RBFOX1: variants seen among roughly 807,000 people sequenced by gnomAD.
RBFOX1 encodes the protein RNA binding protein fox-1 homolog 1.
A neutral mutation model predicts 57.7 loss-of-function variants in RBFOX1; 8 were observed. The ratio of observed to expected loss-of-function variants is 0.14; its 90% CI spans 0.08 to 0.25. RBFOX1 has a LOEUF of 0.25. RBFOX1 is among the 10% of genes least tolerant of loss of function. RBFOX1 has a pLI of 1.00. For missense variants in RBFOX1, 611 were observed against 548.5 expected (o/e 1.11, Z -1.14); for synonymous variants, 326 against 222.4 (o/e 1.47, Z -4.15).
At chr16:6,350,804 A>G (rs1288941587) in intron 2 of RBFOX1, among the ~76,000 whole-genome samples, 2 of 152,216 alleles carry the variant, frequency 1.3e-5, no homozygotes, top group African/African-American at 4.8e-5. Flanking sequence ...AAAGAGTGCA[A>G]GTCATACTCA....
intron 4 of RBFOX1, among the ~76,000 whole-genome samples, chr16:7,355,840 A>G (rs1416984798): frequency 6.6e-6 from 1 of 152,018 alleles, no homozygotes; most frequent in Admixed American, 6.5e-5. Flanking sequence ...TTTCCTTTCA[A>G]CCTTCAGGGT....
chr16:5,756,958 A>T (rs778211339), intron 3 of RBFOX1, among the ~76,000 whole-genome samples: 1 of 152,248 alleles, frequency 6.6e-6, no homozygotes, highest in East Asian at 1.9e-4. Context: ...ATCTTAACAC[A>T]ATAGAAATTT....
At chr16:7,101,534 C>T (rs940362931) in intron 4 of RBFOX1, among the ~76,000 whole-genome samples, 1 of 152,082 alleles carries the variant, frequency 6.6e-6, no homozygotes, top group East Asian at 1.9e-4. Flanking sequence ...CAACCAAAAG[C>T]ATTCACAGAG....
chr16:7,142,135 C>T lies in RBFOX1; in HGVS notation c.27+90037C>T, dbSNP rs115116020. Among the ~76,000 whole-genome samples the T allele has an allele frequency of 4.6e-3, 697 of 152,134 alleles. 8 individuals carry two copies. The highest frequency in any genetic ancestry group is 0.016 in the African/African-American group (673 of 41,522). ...ACCTCCCAGGCTAAAGGGAGCCTCA[C>T]ACCTCAGCCTCCCAAGTAGCTGGGA... On this transcript the variant is annotated intron_variant, in intron 4 of 15. Transcript: ENST00000550418.
At chr16:7,339,732 G>A (rs1196043556) in intron 4 of RBFOX1, among the ~76,000 whole-genome samples, 1 of 152,194 alleles carries the variant, frequency 6.6e-6, no homozygotes, top group Non-Finnish European at 1.5e-5. Flanking sequence ...AAGCCACTGT[G>A]CCTGGCCAGA....
At chr16:6,024,158 C>G (rs1050524053) in intron 1 of RBFOX1, among the ~76,000 whole-genome samples, 2 of 152,164 alleles carry the variant, frequency 1.3e-5, no homozygotes, top group African/African-American at 4.8e-5. Context: ...TGGCCTGCTG[C>G]TACAGAAGAG....
At chr16:6,712,376 G>T (rs1450323349) in intron 3 of RBFOX1, among the ~76,000 whole-genome samples, 1 of 152,064 alleles carries the variant, frequency 6.6e-6, no homozygotes, top group Non-Finnish European at 1.5e-5. Flanking sequence ...TCTGTCCTGG[G>T]CGTGAACTAG....
intron 2 of RBFOX1, among the ~76,000 whole-genome samples, chr16:6,632,950 G>C (rs1483205513): frequency 1.3e-5 from 2 of 152,188 alleles, no homozygotes; most frequent in Admixed American, 1.3e-4. Context: ...GCTTCCTGTT[G>C]TTTGGGTTCT....
At chr16:5,984,977 T>TATA (rs1555462740) in intron 4 of RBFOX1, among the ~76,000 whole-genome samples, 69 of 40,522 alleles carry the variant, frequency 1.7e-3, no homozygotes, top group African/African-American at 3.1e-3. Flanking sequence ...TATATATATA[T>TATA]TTTTTTTTTT....
chr16:7,142,448 G>T (rs932441217), intron 4 of RBFOX1, among the ~76,000 whole-genome samples: 5 of 152,110 alleles, frequency 3.3e-5, no homozygotes, highest in Non-Finnish European at 7.4e-5. Context: ...TACCGCAGGC[G>T]ACTCTGGCTT....
chr16:7,083,979 C>G (rs2059596703), intron 4 of RBFOX1, among the ~76,000 whole-genome samples: 1 of 152,094 alleles, frequency 6.6e-6, no homozygotes, highest in African/African-American at 2.4e-5. Context: ...GTTTGCCCCG[C>G]TCACAGTCTT....
At chr16:7,259,378 C>A (rs1174253140) in intron 4 of RBFOX1, among the ~76,000 whole-genome samples, 1 of 152,074 alleles carries the variant, frequency 6.6e-6, no homozygotes. Flanking sequence ...GTTCAGCACA[C>A]ATCACATATA....
At chr16:6,873,149 C>G (rs2061245512) in intron 3 of RBFOX1, among the ~76,000 whole-genome samples, 4 of 150,632 alleles carry the variant, frequency 2.7e-5, no homozygotes, top group Non-Finnish European at 5.9e-5. Flanking sequence ...AAAAAAAGCT[C>G]TATAGCAGAC....
intron 4 of RBFOX1, among the ~76,000 whole-genome samples, chr16:7,471,892 A>C (rs963920141): frequency 2.6e-5 from 4 of 152,172 alleles, no homozygotes; most frequent in African/African-American, 9.7e-5. Context: ...CCTTCATTCT[A>C]TGCCATTTCC....
chr16:5,343,928 G>A (rs2065086957), intron 1 of RBFOX1, among the ~76,000 whole-genome samples: 2 of 152,160 alleles, frequency 1.3e-5, no homozygotes, highest in African/African-American at 4.8e-5. Context: ...GTGTGCTTGT[G>A]TCTCTTTCAG....
At chr16:5,343,097 A>G (rs1283760803) in intron 1 of RBFOX1, among the ~76,000 whole-genome samples, 2 of 152,054 alleles carry the variant, frequency 1.3e-5, no homozygotes. Context: ...AAGGCTTAGG[A>G]CTTTTGTTCT....
At chr16:6,072,534 C>T (rs1246901459) in intron 1 of RBFOX1, among the ~76,000 whole-genome samples, 1 of 151,772 alleles carries the variant, frequency 6.6e-6, no homozygotes, top group Non-Finnish European at 1.5e-5. Flanking sequence ...CATTTATACT[C>T]TTTTTCCATA....
intron 1 of RBFOX1, among the ~76,000 whole-genome samples, chr16:5,341,740 G>A (rs534287175): frequency 6.6e-6 from 1 of 152,238 alleles, no homozygotes; most frequent in Non-Finnish European, 1.5e-5. Context: ...GACCGAGCCA[G>A]TGGGTGGATG....
Position 7,709,865 on chromosome 16 carries a change from A to G in RBFOX1, c.1071+734A>G, listed in dbSNP as rs1231671772. The G allele has an allele frequency of 1.6e-5, 19 of 1,162,514 alleles. No individual in the cohort carries two copies. The East Asian group carries it at 1.0e-3, about 64-fold the overall frequency. 72.0% of individuals were successfully genotyped at this position (1,162,514 alleles called of 1,614,324 possible). A position where few individuals can be genotyped will look rare whatever the true frequency, so the allele number is the denominator to read the frequency against. On this transcript the variant is annotated intron_variant, in intron 15 of 15. Transcript: ENST00000550418. ...TACAGTAAGACGTGCCCATCACGTGAGAGCATATGCAATCATTACAAAGCT... is the reference window on the plus strand; with the variant it reads ...TACAGTAAGACGTGCCCATCACGTGGGAGCATATGCAATCATTACAAAGCT...
Sources: allele counts gnomAD v4.1 joint callset (sites outside exome capture counted in the v4.1 genomes callset), GRCh38; gene constraint gnomAD v4.1.1; transcripts MANE v1.5; gene names NCBI Gene and HGNC (gene_info 2026-07-23, HGNC 2026-07-21).